MNDA: variants seen among roughly 807,000 people sequenced by gnomAD.
The protein encoded by MNDA is epididymis secretory sperm binding protein.
A neutral mutation model predicts 37.8 loss-of-function variants in MNDA; 43 were observed. The ratio of observed to expected loss-of-function variants is 1.14; its 90% confidence interval spans 0.89 to 1.47. The LOEUF (loss-of-function observed/expected upper bound fraction) is 1.47. Ranked by LOEUF, MNDA falls within the 40% of genes most tolerant of loss-of-function variation. The pLI, the probability that MNDA is intolerant of heterozygous loss-of-function variation, is 0.00. For missense variants in MNDA, 536 were observed against 476.0 expected (o/e 1.13, Z -1.17); for synonymous variants, 181 against 169.0 (o/e 1.07, Z -0.55).
rs568944042 is a variant in MNDA at position 158,844,318 on chromosome 1, C to T, written c.570+196C>T. Among the ~76,000 whole-genome samples, 3 of 151,628 alleles carry T rather than the reference C, an allele frequency of 2.0e-5. No homozygotes were observed. In the East Asian group the frequency reaches 5.8e-4, roughly 29 times the overall value. ...TAAAGTCCAATTACCTACAGGTAATCACTGTGTGTAAAACACCAGGACAGA... is the reference window on the plus strand; with the variant it reads ...TAAAGTCCAATTACCTACAGGTAATTACTGTGTGTAAAACACCAGGACAGA... On this transcript the variant is annotated intron_variant, in intron 4 of 6. Coordinates refer to ENST00000368141, the MANE Select transcript of MNDA (RefSeq NM_002432.3).
intron 1 of MNDA, among the ~76,000 whole-genome samples, chr1:158,836,670 C>A (rs185178308): frequency 8.8e-4 from 133 of 151,524 alleles, no homozygotes; most frequent in African/African-American, 3.0e-3. Flanking sequence ...TTCAGAAAAC[C>A]AACTCTTTTT....
Position 158,847,794 on chromosome 1 carries a change from G to A in MNDA, c.1054G>A (p.Gly352Arg), listed in dbSNP as rs369069905. Residue 352 changes from glycine to arginine, a missense_variant, in exon 6 of 7, where the codon GGG becomes AGG. Gly to Arg is a moderately radical substitution (Grantham distance 125). Coordinates refer to ENST00000368141, the MANE Select transcript of MNDA (RefSeq NM_002432.3). The stretch of plus-strand genomic sequence containing the variant: ...TAATACAGGATCCATGGATGTAGTG[G>A]GGAGTGGAAAATGGCACAATATCAA... ...QDNTGSMDVV[G>R]SGKWHNIKCE... 19 of 1,613,910 alleles carry A rather than the reference G, an allele frequency of 1.2e-5. No homozygotes were observed. Among genetic ancestry groups the A allele is most frequent in the Non-Finnish European group, 1.6e-5 (19 of 1,179,934 alleles).
At chr1:158,840,647 G>A (rs1659013935) in intron 1 of MNDA, among the ~76,000 whole-genome samples, 2 of 152,180 alleles carry the variant, frequency 1.3e-5, no homozygotes, top group South Asian at 4.2e-4. Flanking sequence ...ATCTTCTTAG[G>A]TTTTAAAATT....
At chr1:158,836,340 A>G (rs1658915218) in intron 1 of MNDA, among the ~76,000 whole-genome samples, 1 of 152,026 alleles carries the variant, frequency 6.6e-6, no homozygotes, top group Non-Finnish European at 1.5e-5. Context: ...ATTTACCAGT[A>G]AAACCACTTA....
chr1:158,835,003 G>A (rs1038385908), intron 1 of MNDA, among the ~76,000 whole-genome samples: 2 of 152,014 alleles, frequency 1.3e-5, no homozygotes, highest in African/African-American at 4.8e-5. Flanking sequence ...ATACCACACT[G>A]TTTTGATTAT....
chr1:158,833,463 C>A (rs1162480116), intron 1 of MNDA, among the ~76,000 whole-genome samples: 1 of 152,172 alleles, frequency 6.6e-6, no homozygotes, highest in Non-Finnish European at 1.5e-5. Context: ...AAACTCTAAC[C>A]GTTAACCAAC....
chr1:158,847,012 A>T (rs1349498791), intron 5 of MNDA, among the ~76,000 whole-genome samples: 1 of 152,232 alleles, frequency 6.6e-6, no homozygotes, highest in Non-Finnish European at 1.5e-5. Context: ...GTGTTATAGA[A>T]GATTTTTCCT....
At chr1:158,848,707 T>C (rs893636058) in intron 6 of MNDA, among the ~76,000 whole-genome samples, 1 of 152,160 alleles carries the variant, frequency 6.6e-6, no homozygotes, top group Non-Finnish European at 1.5e-5. Context: ...TCTATGGAGT[T>C]GCATTACAGA....
In MNDA at chr1:158,848,926, G is replaced by A. The variant is rs1029789773; in HGVS notation, c.1177-264G>A. Among the ~76,000 whole-genome samples, 4 of 152,232 alleles carry A rather than the reference G, an allele frequency of 2.6e-5. No individual in the cohort carries two copies. In the South Asian group the frequency reaches 8.3e-4, roughly 32 times the overall value. ...CGAAACTTTTAAAAAAAAATGGGTA[G>A]TTGGTTAACCAGGATACCACAGAAG... On this transcript the variant is annotated intron_variant, in intron 6 of 6. Coordinates refer to ENST00000368141, the MANE Select transcript of MNDA (RefSeq NM_002432.3).
chr1:158,848,238 C>T (rs1479156903), intron 6 of MNDA, among the ~76,000 whole-genome samples: 1 of 152,106 alleles, frequency 6.6e-6, no homozygotes, highest in Non-Finnish European at 1.5e-5. Flanking sequence ...CACTAGTTGG[C>T]TGATATTGGG....
intron 4 of MNDA, 87 bp downstream of exon 4, chr1:158,844,209 C>T (rs1659090140): frequency 8.2e-7 from 1 of 1,215,856 alleles, no homozygotes; most frequent in Non-Finnish European, 1.1e-6. Flanking sequence ...TCATGCATAA[C>T]TCTTCATATT....
chr1:158,843,232 C>A (rs1367805393), intron 2 of MNDA, 47 bp from the exon 3 acceptor site: 1 of 1,553,614 alleles, frequency 6.4e-7, no homozygotes, highest in Non-Finnish European at 8.7e-7. Flanking sequence ...CTTAGATAAG[C>A]TATTCCACTC....
At chr1:158,832,426 T>TGGTGAAATC (rs1181026708) in intron 1 of MNDA, among the ~76,000 whole-genome samples, 6 of 151,874 alleles carry the variant, frequency 4.0e-5, no homozygotes, top group Non-Finnish European at 8.8e-5. Context: ...CTGAGAGATG[T>TGGTGAAATC]GGTGAAATCT....
chr1:158,841,100 G>A lies in MNDA; in HGVS notation c.-20-1034G>A, dbSNP rs188136560. 2.0e-5 allele frequency among the ~76,000 whole-genome samples: 3 copies of A among 152,230 alleles called. No individual in the cohort carries two copies. The East Asian group carries it at 5.8e-4, about 29-fold the overall frequency. On this transcript the variant is annotated intron_variant, in intron 1 of 6. Coordinates refer to ENST00000368141, the MANE Select transcript of MNDA (RefSeq NM_002432.3). ...TCGCAGAAGATAAAGCCTCAATTAA[G>A]CATTAAAAACTCTAAGGAAGTATTC... is the stretch of plus-strand genomic sequence containing the variant.
At position 158,845,591 on chromosome 1, in the gene MNDA, A is replaced by G. The variant is rs925703955; in HGVS notation, c.575A>G (p.Gln192Arg). 1.4e-5 allele frequency: 22 copies of G among 1,608,566 alleles called. No homozygotes were observed. The highest frequency in any genetic ancestry group is 1.5e-5 in the Non-Finnish European group (18 of 1,177,654). The change falls in exon 5 of 7, where the codon CAG (glutamine) becomes CGG (arginine). Residue 192 changes from glutamine (Q) to arginine (R), a missense_variant. Physicochemically the swap from Gln to Arg is conservative, Grantham distance 43. Coordinates refer to ENST00000368141, the MANE Select transcript of MNDA (RefSeq NM_002432.3). The part of the protein sequence containing the change: ...TPSNTSFTPN[Q>R]ETQAQRQVDA... ...TCTTGTGTCTGCCCAACACAGAATC[A>G]GGAAACCCAGGCCCAACGGCAGGTG...
At chr1:158,835,525 T>C (rs1196967947) in intron 1 of MNDA, among the ~76,000 whole-genome samples, 1 of 151,290 alleles carries the variant, frequency 6.6e-6, no homozygotes, top group Non-Finnish European at 1.5e-5. Flanking sequence ...TTTCCACATA[T>C]AAGATCATAT....
At chr1:158,841,727 ACCAGGAAGAATC>A (rs1659032179) in intron 1 of MNDA, among the ~76,000 whole-genome samples, 1 of 152,116 alleles carries the variant, frequency 6.6e-6, no homozygotes, top group Non-Finnish European at 1.5e-5. Flanking sequence ...ATAGTGGATG[ACCAGGAAGAATC>A]AGGGAAGAAT....
intron 1 of MNDA, among the ~76,000 whole-genome samples, chr1:158,831,831 A>G (rs1658810692): frequency 6.6e-6 from 1 of 152,156 alleles, no homozygotes; most frequent in African/African-American, 2.4e-5. Flanking sequence ...TTTAGAGGAG[A>G]TACTTGGTTT....
At position 158,842,144 on chromosome 1, in the gene MNDA, A is replaced by G. The variant is rs1338040484; in HGVS notation, c.-10A>G. 1.9e-6 allele frequency: 3 copies of G among 1,600,612 alleles called. No individual in the cohort carries two copies. The highest frequency in any genetic ancestry group is 2.6e-6 in the Non-Finnish European group (3 of 1,173,888). On this transcript the variant is annotated 5_prime_UTR_variant, in exon 2 of 7. The change creates a new upstream start codon in the 5' untranslated region. Coordinates refer to ENST00000368141, the MANE Select transcript of MNDA (RefSeq NM_002432.3). ...ATTTTTACTTTATAGGCCAAGCTAT[A>G]ACATCAGAAATGGTGAATGAATACA...
Sources: allele counts gnomAD v4.1 joint callset (sites outside exome capture counted in the v4.1 genomes callset), GRCh38; gene constraint gnomAD v4.1.1; transcripts MANE v1.5; gene names NCBI Gene and HGNC (gene_info 2026-07-23, HGNC 2026-07-21).